Variants in DIAPH2 observed in about 807,000 individuals in gnomAD.
DIAPH2 encodes protein diaphanous homolog 2.
Under a neutral mutation model 92.7 loss-of-function variants are expected in DIAPH2, and 35 were observed. That is an observed-to-expected ratio of 0.38 (90% confidence interval 0.29 to 0.50). DIAPH2 has a LOEUF of 0.50. DIAPH2 is among the 20% of genes least tolerant of loss of function. The pLI is 0.94. For synonymous variants in DIAPH2, 301 were observed against 280.4 expected (o/e 1.07, Z -0.73); for missense variants, 701 against 819.5 (o/e 0.86, Z 1.77).
intron 17 of DIAPH2, among the ~76,000 whole-genome samples, chrX:97,016,598 C>A (rs1336661167): frequency 2.7e-5 from 3 of 111,056 alleles, no homozygotes; most frequent in African/African-American, 9.9e-5. Context: ...GTCCTTTTTT[C>A]CCCCCTTAAT....
rs1199692506 is a variant in DIAPH2 at position 97,133,479 on chromosome X, G to A, written c.2590-8186G>A. Among the ~76,000 whole-genome samples the A allele has an allele frequency of 5.4e-5, 6 of 110,945 alleles. No homozygotes were observed. In the East Asian group the frequency reaches 1.7e-3, roughly 32 times the overall value. On this transcript the variant is annotated intron_variant, in intron 21 of 26. Coordinates refer to ENST00000324765, the MANE Select transcript of DIAPH2 (RefSeq NM_006729.5). ...ATTTTGTATTTTTAGCGGAGATGGG[G>A]TTTCACCAAGTTGGTCAGGCTGGTC...
chrX:97,239,599 C>T (rs1220544860), intron 22 of DIAPH2, among the ~76,000 whole-genome samples: 2 of 111,322 alleles, frequency 1.8e-5, no homozygotes, highest in Admixed American at 1.9e-4. Context: ...TAAAGTGCTA[C>T]CAGACTGACT....
rs372758367 is a variant in DIAPH2 at position 97,290,001 on chromosome X, C to T, written c.2844+42162C>T. 3.7e-5 allele frequency among the ~76,000 whole-genome samples: 4 copies of T among 108,184 alleles called. No individual in the cohort carries two copies. In the East Asian group the frequency reaches 8.7e-4, roughly 23 times the overall value. The allele number at this position is 108,184 out of a possible 115,157, so 93.9% of individuals were successfully genotyped here. A position where few individuals can be genotyped will look rare whatever the true frequency, so the allele number is the denominator to read the frequency against. ...TGCTGGGATTACAGGCATGAGCCAC[C>T]GCATCCAGCCAGCAATCCACTGCTT... On this transcript the variant is annotated intron_variant, in intron 23 of 26. Coordinates refer to ENST00000324765, the MANE Select transcript of DIAPH2 (RefSeq NM_006729.5).
intron 26 of DIAPH2, among the ~76,000 whole-genome samples, chrX:97,544,401 A>C (rs996550598): frequency 5.3e-5 from 6 of 112,156 alleles, no homozygotes; most frequent in African/African-American, 1.9e-4. Context: ...CATTACCATC[A>C]ACAAAATGAA....
At chrX:97,044,080 A>G (rs943979095) in intron 17 of DIAPH2, among the ~76,000 whole-genome samples, 1 of 112,344 alleles carries the variant, frequency 8.9e-6, no homozygotes, top group Non-Finnish European at 1.9e-5. Context: ...GTGTCATTTT[A>G]CTTGTGAACC....
chrX:97,546,521 C>T (rs2071182561), intron 26 of DIAPH2, among the ~76,000 whole-genome samples: 1 of 111,377 alleles, frequency 9.0e-6, no homozygotes, highest in Non-Finnish European at 1.9e-5. Context: ...GTTGTCCATC[C>T]ACTAGGCAGT....
At chrX:96,770,866 A>T (rs1270567298) in intron 4 of DIAPH2, among the ~76,000 whole-genome samples, 1 of 112,334 alleles carries the variant, frequency 8.9e-6, no homozygotes, top group Admixed American at 9.5e-5. Context: ...TTCTAATTTC[A>T]CATTCATTAT....
At chrX:97,583,781 C>T (rs372309112) in intron 26 of DIAPH2, among the ~76,000 whole-genome samples, 220 of 110,495 alleles carry the variant, frequency 2.0e-3, no homozygotes, top group Admixed American at 4.6e-3. Flanking sequence ...GCCTCGCTGC[C>T]GCCTTGCAGT....
intron 22 of DIAPH2, among the ~76,000 whole-genome samples, chrX:97,247,256 A>T (rs758434093): frequency 8.9e-6 from 1 of 111,912 alleles, no homozygotes; most frequent in South Asian, 3.7e-4. Context: ...TTTACCATAG[A>T]TATTGGTTTA....
intron 1 of DIAPH2, among the ~76,000 whole-genome samples, chrX:96,717,808 GGTATATA>G (rs1483469096): frequency 6.0e-5 from 2 of 33,336 alleles, no homozygotes; most frequent in African/African-American, 2.0e-4. Context: ...AATTTTTGTG[GGTATATA>G]GTATATATAT....
At chrX:97,471,354 G>A (rs1445341201) in intron 26 of DIAPH2, among the ~76,000 whole-genome samples, 1 of 111,457 alleles carries the variant, frequency 9.0e-6, no homozygotes, top group African/African-American at 3.3e-5. Flanking sequence ...TGTGCCTGTT[G>A]TTCGGGGTCA....
intron 26 of DIAPH2, among the ~76,000 whole-genome samples, chrX:97,555,682 A>C (rs1057220679): frequency 8.9e-6 from 1 of 112,011 alleles, no homozygotes; most frequent in Non-Finnish European, 1.9e-5. Flanking sequence ...GTAAAAGATG[A>C]TTTTATACTG....
In DIAPH2 at chrX:97,185,508, T is replaced by C. The variant is rs190662853; in HGVS notation, c.2719+43714T>C. On this transcript the variant is annotated intron_variant, in intron 22 of 26. Coordinates refer to ENST00000324765, the MANE Select transcript of DIAPH2 (RefSeq NM_006729.5). ...ATATATATATATATATATATATATATATATATATATATCTCACTTCTTCAT... is the reference window on the plus strand; with the variant it reads ...ATATATATATATATATATATATATACATATATATATATCTCACTTCTTCAT... 8.3e-3 allele frequency among the ~76,000 whole-genome samples: 503 copies of C among 60,726 alleles called. 49 individuals carry two copies. Among genetic ancestry groups the C allele is most frequent in the African/African-American group, 0.032 (481 of 14,971 alleles). 52.7% of individuals were successfully genotyped at this position (60,726 alleles called of 115,157 possible). A position where few individuals can be genotyped will look rare whatever the true frequency, so the allele number is the denominator to read the frequency against.
At chrX:96,948,425 T>C (rs1158819664) in intron 14 of DIAPH2, among the ~76,000 whole-genome samples, 1 of 110,123 alleles carries the variant, frequency 9.1e-6, no homozygotes, top group African/African-American at 3.3e-5. Flanking sequence ...ATACAAAAAT[T>C]AGCCAGGTGT....
chrX:96,854,456 C>T (rs2065023954), intron 4 of DIAPH2, among the ~76,000 whole-genome samples: 2 of 104,835 alleles, frequency 1.9e-5, no homozygotes, highest in African/African-American at 6.9e-5. Context: ...AATAGTCCCC[C>T]CTTATCCACA....
Position 97,212,590 on chromosome X carries a change from G to GTTT in DIAPH2, c.2720-35109_2720-35107dup, listed in dbSNP as rs57173350. On this transcript the variant is annotated intron_variant, in intron 22 of 26. Coordinates refer to ENST00000324765, the MANE Select transcript of DIAPH2 (RefSeq NM_006729.5). ...AATAATGTGAATCTTAGGGTTTTTT[G>GTTT]TTTTTTTTTTTTTTTTTTCAAATTG... Among the ~76,000 whole-genome samples, 20 of 67,812 alleles carry GTTT rather than the reference G, an allele frequency of 2.9e-4. No individual in the cohort carries two copies. In the East Asian group the frequency reaches 8.3e-3, roughly 28 times the overall value. 58.9% of individuals were successfully genotyped at this position (67,812 alleles called of 115,157 possible).
chrX:96,914,424 C>T (rs866188022), intron 7 of DIAPH2, among the ~76,000 whole-genome samples: 1 of 111,329 alleles, frequency 9.0e-6, no homozygotes, highest in South Asian at 3.7e-4. Context: ...AAAGATAACA[C>T]AGTTCTAGAA....
At chrX:97,371,263 T>C (rs73258358) in intron 24 of DIAPH2, among the ~76,000 whole-genome samples, 1 of 111,609 alleles carries the variant, frequency 9.0e-6, no homozygotes, top group Non-Finnish European at 1.9e-5. Context: ...CCCAACAGTT[T>C]TTCTCAAGGG....
intron 26 of DIAPH2, among the ~76,000 whole-genome samples, chrX:97,509,688 G>A (rs1375070349): frequency 1.2e-3 from 123 of 104,408 alleles, no homozygotes; most frequent in Non-Finnish European, 2.2e-3. Flanking sequence ...TCCCCAGAGT[G>A]TGATGTTCCC....
Sources: gnomAD v4.1 joint callset for allele counts (sites outside exome capture counted in the v4.1 genomes callset) on GRCh38, gnomAD v4.1.1 for gene constraint, MANE v1.5 for transcripts, NCBI Gene and HGNC (gene_info 2026-07-23, HGNC 2026-07-21) for gene names.